Variants in RP1 observed in about 807,000 individuals in gnomAD.
The protein encoded by RP1 is oxygen-regulated protein 1.
A neutral mutation model predicts 14.8 loss-of-function variants in RP1; 16 were observed. The observed-to-expected ratio is 1.08, with a 90% confidence interval of 0.73 to 1.65. The LOEUF (loss-of-function observed/expected upper bound fraction) is 1.65. Ranked by LOEUF, RP1 falls within the 40% of genes most tolerant of loss-of-function variation. RP1 has a pLI of 0.00. For synonymous variants in RP1, 876 were observed against 883.6 expected, an observed-to-expected ratio of 0.99 and a Z score of 0.15; for missense variants, 2,631 against 2,535.0, an observed-to-expected ratio of 1.04 and a Z score of -0.81.
intron 27 of RP1, among the ~76,000 whole-genome samples, chr8:54,861,260 T>C (rs1563399239): frequency 6.6e-6 from 1 of 152,200 alleles, no homozygotes; most frequent in African/African-American, 2.4e-5. Flanking sequence ...TCCCACAAAG[T>C]ATCCATCCTG....
At chr8:54,714,034 T>A (rs1402036493) in intron 15 of RP1, among the ~76,000 whole-genome samples, 1 of 152,156 alleles carries the variant, frequency 6.6e-6, no homozygotes, top group African/African-American at 2.4e-5. Flanking sequence ...CAGGTGATTC[T>A]CCTGCCTCAG....
chr8:54,832,053 T>C (rs1811542923), intron 24 of RP1, among the ~76,000 whole-genome samples: 2 of 151,836 alleles, frequency 1.3e-5, no homozygotes, highest in East Asian at 1.9e-4. Context: ...ATAAAAATAG[T>C]ATTTTTCTTT....
chr8:54,696,641 C>A, intron 12 of RP1: 1 of 827,778 alleles, frequency 1.2e-6, no homozygotes, highest in Non-Finnish European at 1.9e-6. Flanking sequence ...CTTAGAATTG[C>A]CAGATAAACA....
At chr8:54,587,028 G>T (rs1242327637) in intron 1 of RP1, among the ~76,000 whole-genome samples, 3 of 152,222 alleles carry the variant, frequency 2.0e-5, no homozygotes, top group Non-Finnish European at 2.9e-5. Context: ...ACACTCCCCA[G>T]TGAGATGAAC....
chr8:54,610,661 T>C (rs577421052), intron 1 of RP1, among the ~76,000 whole-genome samples: 4 of 152,218 alleles, frequency 2.6e-5, no homozygotes, highest in African/African-American at 9.6e-5. Context: ...CCAGATGTAC[T>C]GGACAAAAAT....
At chr8:54,755,819 A>T (rs1217890451) in intron 21 of RP1, 4 of 1,372,516 alleles carry the variant, frequency 2.9e-6, no homozygotes, top group African/African-American at 1.5e-5. Flanking sequence ...CTCTCTGAAG[A>T]TGGCCACATA....
chr8:54,655,993 T>G (rs1456629002), intron 5 of RP1: 2 of 825,396 alleles, frequency 2.4e-6, no homozygotes, highest in Non-Finnish European at 3.5e-6. Context: ...AATAATTCTC[T>G]GAGCTAAGTG....
chr8:54,672,725 T>A (rs776656688), intron 7 of RP1, among the ~76,000 whole-genome samples: 23 of 152,182 alleles, frequency 1.5e-4, no homozygotes, highest in Non-Finnish European at 3.1e-4. Flanking sequence ...AATGTTAATA[T>A]GCATGTAATA....
chr8:54,602,823 C>CA (rs1217188919), intron 1 of RP1, among the ~76,000 whole-genome samples: 1 of 152,208 alleles, frequency 6.6e-6, no homozygotes, highest in African/African-American at 2.4e-5. Flanking sequence ...CTTTTGGCTG[C>CA]ATAAATGTCT....
At chr8:54,640,812 T>A (rs1039379399) in intron 3 of RP1, among the ~76,000 whole-genome samples, 1 of 152,194 alleles carries the variant, frequency 6.6e-6, no homozygotes, top group African/African-American at 2.4e-5. Context: ...AGAAGTTACT[T>A]ATTTTATGGC....
At chr8:54,682,864 A>G (rs1326231311) in intron 12 of RP1, among the ~76,000 whole-genome samples, 1 of 151,912 alleles carries the variant, frequency 6.6e-6, no homozygotes, top group Non-Finnish European at 1.5e-5. Context: ...TTTTGTTGCC[A>G]TTGCTTTCCC....
chr8:54,636,483 A>C (rs1333732763), intron 3 of RP1, among the ~76,000 whole-genome samples: 2 of 152,274 alleles, frequency 1.3e-5, no homozygotes, highest in Non-Finnish European at 2.9e-5. Flanking sequence ...CACGCCTGTA[A>C]TCCCAGCACT....
intron 24 of RP1, among the ~76,000 whole-genome samples, chr8:54,809,857 A>G (rs1044257141): frequency 1.3e-5 from 2 of 152,196 alleles, no homozygotes; most frequent in Admixed American, 6.5e-5. Context: ...TTTTTCTCTG[A>G]ATTGCAGTGT....
intron 24 of RP1, among the ~76,000 whole-genome samples, chr8:54,800,751 A>G (rs1277136361): frequency 1.3e-5 from 2 of 152,012 alleles, no homozygotes; most frequent in Non-Finnish European, 2.9e-5. Flanking sequence ...CTGTTTTTTT[A>G]TGTTGTCCAC....
At chr8:54,604,424 G>T (rs1418037542) in intron 1 of RP1, among the ~76,000 whole-genome samples, 3 of 152,184 alleles carry the variant, frequency 2.0e-5, no homozygotes, top group Admixed American at 6.5e-5. Context: ...TTGATATGCT[G>T]CTGGATTCAT....
chr8:54,717,632 C>A (rs569222845), intron 15 of RP1, among the ~76,000 whole-genome samples: 1 of 152,222 alleles, frequency 6.6e-6, no homozygotes, highest in African/African-American at 2.4e-5. Context: ...AAAAAACTTG[C>A]AGCTAATATT....
At chr8:54,679,385 G>C in intron 9 of RP1, 1 of 1,503,026 alleles carries the variant, frequency 6.7e-7, no homozygotes, top group Non-Finnish European at 9.0e-7. Context: ...TAAATATAAA[G>C]TCTGAAAATA....
intron 6 of RP1, among the ~76,000 whole-genome samples, chr8:54,660,295 G>A (rs943063941): frequency 2.0e-5 from 3 of 152,094 alleles, no homozygotes; most frequent in Non-Finnish European, 2.9e-5. Context: ...TCATCAATAA[G>A]TATTGTGTTA....
In RP1 at chr8:54,630,781, T is replaced by A. The variant is rs1012364081; in HGVS notation, c.*428T>A. ...TACTTCACTTATTCTTTTTAACTAC[T>A]GATTTGATAAAAAGTATGATTATAA... On this transcript the variant is annotated 3_prime_UTR_variant, in exon 4 of 4. Transcript: ENST00000220676. 3 of 1,004,736 alleles carry A rather than the reference T, an allele frequency of 3.0e-6. No homozygotes were observed. The African/African-American group carries it at 5.2e-5, about 18-fold the overall frequency. 62.2% of individuals were successfully genotyped at this position (1,004,736 alleles called of 1,614,324 possible). A position where few individuals can be genotyped will look rare whatever the true frequency, so the allele number is the denominator to read the frequency against.
Sources: allele counts gnomAD v4.1 joint callset (sites outside exome capture counted in the v4.1 genomes callset), GRCh38; gene constraint gnomAD v4.1.1; transcripts MANE v1.5; gene names NCBI Gene and HGNC (gene_info 2026-07-23, HGNC 2026-07-21).